Variants in SATB1 observed in about 807,000 individuals in gnomAD.
SATB1 encodes SATB homeobox 1, also known as DNA-binding protein SATB1.
SATB1 carries 11 observed loss-of-function variants against 86.9 expected under a neutral mutation model. That is an observed-to-expected ratio of 0.13 (90% CI 0.08 to 0.21). The LOEUF is 0.21. Among genes scored for constraint, SATB1 ranks in the 10% least tolerant of loss-of-function variants. SATB1 has a pLI of 1.00. For synonymous variants in SATB1, 357 were observed against 357.2 expected (o/e 1.00, Z 0.01); for missense variants, 551 against 937.6 (o/e 0.59, Z 5.39).
intron 9 of SATB1, among the ~76,000 whole-genome samples, chr3:18,366,296 G>T (rs1695181090): frequency 6.6e-6 from 1 of 151,056 alleles, no homozygotes; most frequent in Non-Finnish European, 1.5e-5. Flanking sequence ...GTCACTCCCT[G>T]CTTCCTTTTC....
chr3:18,384,569 AG>A (rs1229737020), intron 8 of SATB1, among the ~76,000 whole-genome samples: 1 of 152,160 alleles, frequency 6.6e-6, no homozygotes, highest in East Asian at 1.9e-4. Flanking sequence ...TTCTCTGCTC[AG>A]AGCCCTGTCA....
chr3:18,386,798 T>G lies in SATB1; in HGVS notation c.1207-187A>C, dbSNP rs1275162804. The stretch of plus-strand genomic sequence containing the variant: ...GCCTCAATTGTATTCTTAATTTTAT[T>G]AAGCATCTGCTTTACATATAACATA... On this transcript the variant is annotated intron_variant, in intron 7 of 10. Transcript: ENST00000338745. This position sits in a 1 kb window ranked among gnomAD's most constrained non-coding sequence, Gnocchi z 4.5. Among the ~76,000 whole-genome samples, 1 of 152,248 alleles carries G rather than the reference T, an allele frequency of 6.6e-6. No homozygotes were observed. Among genetic ancestry groups the G allele is most frequent in the Non-Finnish European group, 1.5e-5 (1 of 68,046 alleles).
At chr3:18,445,088 A>T (rs1485345432) in intron 1 of SATB1, 4 of 459,252 alleles carry the variant, frequency 8.7e-6, no homozygotes, top group East Asian at 1.6e-4. Flanking sequence ...GGCGCTTCGG[A>T]CCGGGCACGC....
intron 7 of SATB1, among the ~76,000 whole-genome samples, chr3:18,391,113 A>G (rs1696639727): frequency 6.6e-6 from 1 of 152,128 alleles, no homozygotes; most frequent in Non-Finnish European, 1.5e-5. Flanking sequence ...CAGAAAAGGT[A>G]GGCTTAAAAA....
intron 5 of SATB1, among the ~76,000 whole-genome samples, chr3:18,403,584 T>C (rs1697376314): frequency 6.6e-6 from 1 of 152,124 alleles, no homozygotes; most frequent in Admixed American, 6.6e-5. Context: ...TCATTCCTAA[T>C]GTCTTTGGCA....
At chr3:18,369,670 A>C (rs1695363659) in intron 9 of SATB1, among the ~76,000 whole-genome samples, 1 of 146,944 alleles carries the variant, frequency 6.8e-6, no homozygotes, top group African/African-American at 2.5e-5. Context: ...TTCAAGATTT[A>C]CAGGATACAT....
At chr3:18,445,128 A>G (rs1699356298) in intron 1 of SATB1, 7 of 769,392 alleles carry the variant, frequency 9.1e-6, no homozygotes, top group Admixed American at 6.4e-5. Flanking sequence ...GACCCCGCGT[A>G]GCCGCCGCTT....
intron 2 of SATB1, among the ~76,000 whole-genome samples, chr3:18,433,373 TA>T: frequency 6.6e-6 from 1 of 152,172 alleles, no homozygotes; most frequent in South Asian, 2.1e-4. Flanking sequence ...TCTATTTTTT[TA>T]ATAAAAGAAA....
At position 18,352,469 on chromosome 3, in the gene SATB1, T is replaced by C; in HGVS notation, c.1576-274A>G. On this transcript the variant is annotated intron_variant, in intron 9 of 10. Coordinates refer to ENST00000338745, the MANE Select transcript of SATB1 (RefSeq NM_002971.6). This position sits in a 1 kb window ranked among gnomAD's most constrained non-coding sequence, Gnocchi z 4.1. ...GGTAACAGAGCATTTATCACAGATT[T>C]TTTAATATATGAAATAGGAGAAAAA... The C allele has an allele frequency of 2.7e-6, 1 of 369,436 alleles. No homozygotes were observed. The highest frequency in any genetic ancestry group is 5.0e-6 in the Non-Finnish European group (1 of 200,100). 22.9% of individuals were successfully genotyped at this position (369,436 alleles called of 1,614,324 possible). A position where few individuals can be genotyped will look rare whatever the true frequency, so the allele number is the denominator to read the frequency against.
intron 5 of SATB1, among the ~76,000 whole-genome samples, chr3:18,413,223 T>C (rs1697948797): frequency 6.6e-6 from 1 of 152,250 alleles, no homozygotes; most frequent in South Asian, 2.1e-4. Context: ...TCATTTTCCA[T>C]GATAACATTA....
At chr3:18,371,889 T>G (rs1381957495) in intron 9 of SATB1, among the ~76,000 whole-genome samples, 2 of 152,214 alleles carry the variant, frequency 1.3e-5, no homozygotes, top group Admixed American at 1.3e-4. Context: ...TGAATGACAC[T>G]CAGTTTTAAG....
intron 5 of SATB1, among the ~76,000 whole-genome samples, chr3:18,403,940 A>G (rs1697394743): frequency 6.6e-6 from 1 of 152,034 alleles, no homozygotes. Context: ...CTGATTTTTT[A>G]CAGCAGCTTT....
intron 7 of SATB1, among the ~76,000 whole-genome samples, chr3:18,392,483 CACTT>C (rs1696727006): frequency 6.6e-6 from 1 of 152,064 alleles, no homozygotes; most frequent in East Asian, 1.9e-4. Flanking sequence ...ATATAAAGGA[CACTT>C]ACTTAGTGCT....
chr3:18,417,753 C>T (rs1192563974), intron 2 of SATB1: 6 of 677,858 alleles, frequency 8.9e-6, no homozygotes, highest in Admixed American at 2.2e-5. Context: ...TTTAACCTAC[C>T]TAACTAAAAA....
At chr3:18,405,751 G>A (rs1697500063) in intron 5 of SATB1, among the ~76,000 whole-genome samples, 1 of 151,910 alleles carries the variant, frequency 6.6e-6, no homozygotes, top group African/African-American at 2.4e-5. Context: ...TGGGGTCCAT[G>A]GACCCCTCTC....
intron 9 of SATB1, among the ~76,000 whole-genome samples, chr3:18,359,782 C>T (rs1238491821): frequency 6.6e-6 from 1 of 151,394 alleles, no homozygotes; most frequent in Non-Finnish European, 1.5e-5. Context: ...TTAATTTTCT[C>T]CTCATTCTTC....
chr3:18,396,373 T>C (rs1696966222), intron 6 of SATB1, among the ~76,000 whole-genome samples: 1 of 152,096 alleles, frequency 6.6e-6, no homozygotes, highest in South Asian at 2.1e-4. Flanking sequence ...TATTTTAAAA[T>C]ATATGTTTTG....
chr3:18,415,114 T>G lies in SATB1; in HGVS notation c.636A>C (p.Ser212=), dbSNP rs377281129. Residue 212 remains serine (S), a synonymous_variant, in exon 5 of 11, where the codon TCA becomes TCC. Coordinates refer to ENST00000338745, the MANE Select transcript of SATB1 (RefSeq NM_002971.6). ...TATTACATTCTATGCTAAGTACCTG[T>G]GAAAGGGGGCACTCCTTGGCCAATG... The part of the protein sequence containing the change: ...QSSLAKECPL[S]QSMISSIVNS... 1.2e-6 allele frequency: 2 copies of G among 1,612,614 alleles called. No individual in the cohort carries two copies. The highest frequency in any genetic ancestry group is 1.7e-6 in the Non-Finnish European group (2 of 1,179,094).
At chr3:18,377,996 C>T (rs1022056006) in intron 9 of SATB1, among the ~76,000 whole-genome samples, 174 bp downstream of exon 9, 5 of 152,274 alleles carry the variant, frequency 3.3e-5, no homozygotes, top group Admixed American at 2.0e-4. Flanking sequence ...AAAAACAAAA[C>T]TAAGTGCCTA....
Sources: allele counts gnomAD v4.1 joint callset (sites outside exome capture counted in the v4.1 genomes callset), GRCh38; gene constraint gnomAD v4.1.1; non-coding constraint Gnocchi (gnomAD v3.1); transcripts MANE v1.5; gene names NCBI Gene and HGNC (gene_info 2026-07-23, HGNC 2026-07-21).